ZPBP: variants seen among roughly 807,000 people sequenced by gnomAD.
ZPBP encodes the protein zona pellucida-binding protein 1.
A neutral mutation model predicts 44.8 loss-of-function variants in ZPBP; 26 were observed. The ratio of observed to expected loss-of-function variants is 0.58; its 90% CI spans 0.43 to 0.81. The LOEUF is 0.81. Ranked by LOEUF, ZPBP falls within the 30% of genes least tolerant of loss-of-function variation. The pLI, the probability that ZPBP is intolerant of heterozygous loss-of-function variation, is 0.00. For synonymous variants in ZPBP, 174 were observed against 153.2 expected, an observed-to-expected ratio of 1.14 and a Z score of -1.00; for missense variants, 409 against 434.0, an observed-to-expected ratio of 0.94 and a Z score of 0.51.
intron 5 of ZPBP, among the ~76,000 whole-genome samples, chr7:50,027,545 C>T (rs923447801): frequency 2.0e-5 from 3 of 151,664 alleles, no homozygotes; most frequent in South Asian, 2.1e-4. Context: ...AATTACTTAA[C>T]GTCACACCTT....
intron 2 of ZPBP, among the ~76,000 whole-genome samples, chr7:49,861,184 C>T (rs1047519660): frequency 4.6e-5 from 7 of 152,126 alleles, no homozygotes; most frequent in Non-Finnish European, 1.5e-5. Flanking sequence ...TTTTATTCTT[C>T]GTTATTGCTA....
chr7:49,998,525 C>T (rs182494791), intron 6 of ZPBP, among the ~76,000 whole-genome samples: 2 of 152,304 alleles, frequency 1.3e-5, no homozygotes, highest in African/African-American at 2.4e-5. Context: ...ACAGAGTCAC[C>T]AGGCTCCTTG....
chr7:49,933,150 A>AAT (rs1794504272), downstream of ZPBP, among the ~76,000 whole-genome samples: 3 of 152,178 alleles, frequency 2.0e-5, no homozygotes, highest in African/African-American at 7.2e-5. Flanking sequence ...ATAGTATGGA[A>AAT]ATATATATAT....
intron 3 of ZPBP, among the ~76,000 whole-genome samples, chr7:50,075,963 C>A (rs1484283852): frequency 6.6e-6 from 1 of 151,764 alleles, no homozygotes; most frequent in South Asian, 2.1e-4. Context: ...AAGAAAACTA[C>A]AAGTCAATAT....
chr7:49,927,870 G>T (rs1163353709), intron 1 of ZPBP, among the ~76,000 whole-genome samples: 1 of 152,208 alleles, frequency 6.6e-6, no homozygotes, highest in Non-Finnish European at 1.5e-5. Context: ...AATTTATTTA[G>T]TAAGTCTACA....
At chr7:49,950,290 T>C (rs1403008974) in intron 7 of ZPBP, among the ~76,000 whole-genome samples, 1 of 151,894 alleles carries the variant, frequency 6.6e-6, no homozygotes. Context: ...AAATTCTCAG[T>C]CTTGACTGGA....
chr7:50,033,198 T>C (rs570137330), intron 4 of ZPBP, among the ~76,000 whole-genome samples: 6 of 152,306 alleles, frequency 3.9e-5, no homozygotes, highest in African/African-American at 1.2e-4. Context: ...TTCTTCTGAA[T>C]TGAGAAACTA....
At chr7:49,987,500 G>A (rs1797347639) in intron 6 of ZPBP, among the ~76,000 whole-genome samples, 1 of 152,132 alleles carries the variant, frequency 6.6e-6, no homozygotes, top group Non-Finnish European at 1.5e-5. Flanking sequence ...TTTTCCTAAA[G>A]GAGTCCTAGG....
At chr7:49,931,182 T>A (rs976459223) in intron 1 of ZPBP, among the ~76,000 whole-genome samples, 2 of 152,230 alleles carry the variant, frequency 1.3e-5, no homozygotes, top group Non-Finnish European at 1.5e-5. Context: ...GTCTTGGGTA[T>A]GTCTTTATTA....
chr7:49,981,529 T>C (rs1432242150), intron 7 of ZPBP, among the ~76,000 whole-genome samples: 2 of 31,898 alleles, frequency 6.3e-5, no homozygotes, highest in Non-Finnish European at 9.1e-5. Flanking sequence ...ATATAATATA[T>C]ATTATAATTT....
chr7:49,898,324 TA>T (rs905768195), intron 2 of ZPBP, among the ~76,000 whole-genome samples: 23 of 151,694 alleles, frequency 1.5e-4, no homozygotes, highest in Admixed American at 9.9e-4. Context: ...TTTTTTTTTT[TA>T]AAAAAACCTT....
intron 6 of ZPBP, among the ~76,000 whole-genome samples, chr7:50,000,212 C>G (rs1003841213): frequency 6.6e-6 from 1 of 151,830 alleles, no homozygotes; most frequent in Non-Finnish European, 1.5e-5. Flanking sequence ...TAATTTTAAG[C>G]CTTAGTAATT....
rs74732162 is a variant in ZPBP, at chr7:49,983,403, A to G, written c.900T>C (p.Asn300=). ...IEGTLQMVWI[N]RCFPGYGMNV... ...TCATTCCATATCCTGGAAAGCAGCG[A>G]TTAATCCAAACCATTTGGAGAGTAC... The change falls in exon 7 of 8, where the codon AAT becomes AAC. Residue 300 remains asparagine (N), a synonymous_variant. Coordinates refer to ENST00000046087, the MANE Select transcript of ZPBP (RefSeq NM_007009.3). The G allele has an allele frequency of 1.0e-4, 161 of 1,613,542 alleles. 2 individuals carry two copies. In the East Asian group the frequency reaches 3.5e-3, roughly 35 times the overall value.
intron 6 of ZPBP, among the ~76,000 whole-genome samples, chr7:49,990,891 A>G (rs920800308): frequency 6.6e-6 from 1 of 152,246 alleles, no homozygotes; most frequent in African/African-American, 2.4e-5. Context: ...TTAACTAATT[A>G]GTCTAACAAG....
chr7:50,010,289 G>A (rs1168527912), intron 6 of ZPBP, among the ~76,000 whole-genome samples: 1 of 151,638 alleles, frequency 6.6e-6, no homozygotes, highest in African/African-American at 2.4e-5. Context: ...CAATGAAACA[G>A]AATAAAGAAC....
chr7:49,861,533 C>T (rs1790653566), intron 2 of ZPBP, among the ~76,000 whole-genome samples: 1 of 152,008 alleles, frequency 6.6e-6, no homozygotes, highest in Non-Finnish European at 1.5e-5. Flanking sequence ...TTCTGTTGTT[C>T]ATGTTTTGGT....
intron 2 of ZPBP, among the ~76,000 whole-genome samples, chr7:49,886,509 T>C (rs961322755): frequency 2.0e-5 from 3 of 152,206 alleles, no homozygotes; most frequent in Admixed American, 6.5e-5. Flanking sequence ...AAAATGTTAT[T>C]TCTTCTTTTG....
chr7:49,898,180 A>G (rs1040332904), intron 2 of ZPBP, among the ~76,000 whole-genome samples: 7 of 151,944 alleles, frequency 4.6e-5, no homozygotes, highest in East Asian at 1.9e-4. Context: ...GTGTGTGTGT[A>G]TATATGTGTG....
chr7:50,023,302 T>C lies in ZPBP; in HGVS notation c.707-4986A>G, dbSNP rs115846565. Among the ~76,000 whole-genome samples, 1,174 of 152,126 alleles carry C rather than the reference T, an allele frequency of 7.7e-3. 25 individuals carry two copies. The highest frequency in any genetic ancestry group is 0.027 in the African/African-American group (1,113 of 41,516). On this transcript the variant is annotated intron_variant, in intron 5 of 7. Transcript: ENST00000046087. Reference sequence around the variant, plus strand: ...GCAAATCACAGACTTACAGGATGCTTACCCCCCATACATGCATACATTACC... The same window carrying C: ...GCAAATCACAGACTTACAGGATGCTCACCCCCCATACATGCATACATTACC...
Sources: gnomAD v4.1 joint callset for allele counts (sites outside exome capture counted in the v4.1 genomes callset) on GRCh38, gnomAD v4.1.1 for gene constraint, MANE v1.5 for transcripts, NCBI Gene and HGNC (gene_info 2026-07-23, HGNC 2026-07-21) for gene names.